The following PRR16 variants were observed in gnomAD, a reference collection of about 807,000 sequenced individuals.
PRR16 encodes proline rich 16.
In PRR16, 6 loss-of-function variants were observed where a neutral mutation model predicts 18.2. The ratio of observed to expected loss-of-function variants is 0.33; its 90% CI spans 0.18 to 0.65. PRR16 has a LOEUF of 0.65. Among genes scored for constraint, PRR16 ranks in the 30% least tolerant of loss-of-function variants. The pLI, the probability that PRR16 is intolerant of heterozygous loss-of-function variation, is 0.74. For missense variants in PRR16, 412 were observed against 376.6 expected, an observed-to-expected ratio of 1.09 and a Z score of -0.78; for synonymous variants, 151 against 147.8, an observed-to-expected ratio of 1.02 and a Z score of -0.16.
chr5:120,703,358 T>C, the PRR16 span, among the ~76,000 whole-genome samples: 1 of 152,232 alleles, frequency 6.6e-6, no homozygotes, highest in Admixed American at 6.5e-5. Context: ...TCTGGGCGTA[T>C]ACGTGCAAGT....
intron 1 of PRR16, among the ~76,000 whole-genome samples, chr5:120,552,365 G>A (rs974749085): frequency 1.3e-5 from 2 of 151,794 alleles, no homozygotes; most frequent in African/African-American, 2.4e-5. Context: ...ATAAAATAGA[G>A]TAACTATAAA....
chr5:120,652,883 G>A (rs571597332), intron 1 of PRR16, among the ~76,000 whole-genome samples: 4 of 151,790 alleles, frequency 2.6e-5, no homozygotes, highest in African/African-American at 7.2e-5. Context: ...TAAAAATAGG[G>A]GAAACTGAGT....
chr5:120,561,969 C>CTAATA (rs1272190421), intron 1 of PRR16, among the ~76,000 whole-genome samples: 4 of 152,086 alleles, frequency 2.6e-5, no homozygotes, highest in African/African-American at 7.2e-5. Context: ...TGAGAACAGA[C>CTAATA]TAATATAATA....
At chr5:120,753,911 T>A in the PRR16 span, among the ~76,000 whole-genome samples, 13 of 104,556 alleles carry the variant, frequency 1.2e-4, no homozygotes, top group Non-Finnish European at 2.1e-4. Flanking sequence ...TTTATAAATC[T>A]CTATAAATGT....
intron 1 of PRR16, among the ~76,000 whole-genome samples, chr5:120,562,152 G>A (rs554659481): frequency 6.6e-6 from 1 of 152,052 alleles, no homozygotes; most frequent in African/African-American, 2.4e-5. Context: ...TTATATATCT[G>A]TGTGTTCCAG....
At chr5:120,662,956 T>C (rs535104698) in intron 1 of PRR16, among the ~76,000 whole-genome samples, 1 of 152,120 alleles carries the variant, frequency 6.6e-6, no homozygotes, top group Non-Finnish European at 1.5e-5. Context: ...GGGTTTATCA[T>C]AGGCTTGTGG....
chr5:120,740,495 G>A, the PRR16 span, among the ~76,000 whole-genome samples: 1 of 152,054 alleles, frequency 6.6e-6, no homozygotes, highest in East Asian at 1.9e-4. Context: ...CTTTAGTACT[G>A]TACTGTACTG....
chr5:120,713,521 T>G, the PRR16 span, among the ~76,000 whole-genome samples: 1 of 152,144 alleles, frequency 6.6e-6, no homozygotes, highest in Admixed American at 6.6e-5. Context: ...ATATTATATG[T>G]GGGAAATAGA....
At chr5:120,587,880 G>A (rs1358011312) in intron 1 of PRR16, among the ~76,000 whole-genome samples, 3 of 152,172 alleles carry the variant, frequency 2.0e-5, no homozygotes, top group African/African-American at 7.2e-5. Flanking sequence ...ATGGATATGG[G>A]AAAAGTAAAT....
chr5:120,630,911 C>G (rs924922069), intron 1 of PRR16, among the ~76,000 whole-genome samples: 3 of 152,126 alleles, frequency 2.0e-5, no homozygotes, highest in Non-Finnish European at 1.5e-5. Context: ...TTTAAGTTAT[C>G]TAGTCTAGCT....
At chr5:120,595,431 A>T (rs1753768124) in intron 1 of PRR16, among the ~76,000 whole-genome samples, 1 of 59,164 alleles carries the variant, frequency 1.7e-5, no homozygotes, top group African/African-American at 4.8e-5. Context: ...ATTATCAAAA[A>T]GTCAAAAAAA....
At chr5:120,565,415 T>A (rs1752707121) in intron 1 of PRR16, among the ~76,000 whole-genome samples, 1 of 152,230 alleles carries the variant, frequency 6.6e-6, no homozygotes, top group Non-Finnish European at 1.5e-5. Context: ...ATTTTTAGTC[T>A]CTACGTCTGT....
At chr5:120,641,784 G>A (rs1355382372) in intron 1 of PRR16, among the ~76,000 whole-genome samples, 1 of 152,086 alleles carries the variant, frequency 6.6e-6, no homozygotes, top group Non-Finnish European at 1.5e-5. Context: ...TGCAGAGAGC[G>A]TTAACTGGAA....
At chr5:120,482,525 C>T (rs7712847) in intron 1 of PRR16, among the ~76,000 whole-genome samples, 40,729 of 151,912 alleles carry the variant, frequency 0.27, 6,695 homozygotes, top group African/African-American at 0.46. Context: ...TTATCCATTC[C>T]ACCATTGATG....
the PRR16 span, chr5:120,790,867 C>A: frequency 6.6e-6 from 1 of 151,902 alleles, no homozygotes; most frequent in East Asian, 1.9e-4. Flanking sequence ...AATCAGTTAT[C>A]TAATAAAAAA....
At chr5:120,517,640 G>A (rs116045560) in intron 1 of PRR16, among the ~76,000 whole-genome samples, 1,788 of 152,156 alleles carry the variant, frequency 0.012, 48 homozygotes, top group African/African-American at 0.04. Flanking sequence ...CTTAGCTACA[G>A]TTTTATTGAT....
At chr5:120,685,076 A>G (rs1305571028) in intron 1 of PRR16, among the ~76,000 whole-genome samples, 1 of 152,124 alleles carries the variant, frequency 6.6e-6, no homozygotes, top group Admixed American at 6.5e-5. Context: ...TTTTGCTTCT[A>G]CCCTCTCTCA....
intron 1 of PRR16, among the ~76,000 whole-genome samples, chr5:120,622,047 C>G (rs1754706727): frequency 6.6e-6 from 1 of 152,174 alleles, no homozygotes; most frequent in Non-Finnish European, 1.5e-5. Context: ...CTCTCCCACT[C>G]ACACACTTAG....
At chr5:120,768,868 T>A in the PRR16 span, among the ~76,000 whole-genome samples, 2 of 151,736 alleles carry the variant, frequency 1.3e-5, no homozygotes, top group Non-Finnish European at 3.0e-5. Context: ...TGGATATACT[T>A]TTATGTATTG....
Sources: gnomAD v4.1 joint callset for allele counts (sites outside exome capture counted in the v4.1 genomes callset) on GRCh38, gnomAD v4.1.1 for gene constraint, MANE v1.5 for transcripts, NCBI Gene and HGNC (gene_info 2026-07-23, HGNC 2026-07-21) for gene names.